The following CSMD1 variants were observed in gnomAD, a reference collection of about 807,000 sequenced individuals.
CSMD1 encodes the protein CUB and sushi domain-containing protein 1.
CSMD1 carries 213 observed loss-of-function variants against 417.5 expected under a neutral mutation model. That is an observed-to-expected ratio of 0.51 (90% CI 0.46 to 0.57). The LOEUF (loss-of-function observed/expected upper bound fraction) is 0.57. Ranked by LOEUF, CSMD1 falls within the 20% of genes least tolerant of loss-of-function variation. The pLI is 0.00. For missense variants in CSMD1, 6,923 were observed against 4,529.7 expected, an observed-to-expected ratio of 1.53 and a Z score of -15.17; for synonymous variants, 2,862 against 1,736.8, an observed-to-expected ratio of 1.65 and a Z score of -16.11.
intron 2 of CSMD1, among the ~76,000 whole-genome samples, chr8:4,471,840 G>C (rs933799331): frequency 6.6e-6 from 1 of 152,170 alleles, no homozygotes; most frequent in African/African-American, 2.4e-5. Flanking sequence ...TACGCTGCAA[G>C]GAAGGTGTTT....
At chr8:3,333,480 T>A (rs1248900093) in intron 23 of CSMD1, among the ~76,000 whole-genome samples, 2 of 152,224 alleles carry the variant, frequency 1.3e-5, no homozygotes, top group East Asian at 3.8e-4. Flanking sequence ...GGTTAACAGC[T>A]ATGTAAAAAC....
At chr8:2,987,479 C>T (rs150103519) in intron 54 of CSMD1, among the ~76,000 whole-genome samples, 2,370 of 149,880 alleles carry the variant, frequency 0.016, 21 homozygotes, top group Non-Finnish European at 0.025. Context: ...ATAAGAAATA[C>T]ATAAAATGCA....
chr8:4,358,742 G>A (rs1316555667), intron 3 of CSMD1, among the ~76,000 whole-genome samples: 1 of 151,910 alleles, frequency 6.6e-6, no homozygotes, highest in Non-Finnish European at 1.5e-5. Context: ...CAAGATAAGT[G>A]TATATGATTT....
rs569707484 is a variant in CSMD1, at chr8:3,164,147, G to T, written c.5726-1870C>A. On this transcript the variant is annotated intron_variant, in intron 37 of 69. Coordinates refer to ENST00000635120, the MANE Select transcript of CSMD1 (RefSeq NM_033225.6). ...AGAAGTGTCTTCATCTTACAGTACC[G>T]TGATTGTTCATTTGAGAATCCCATG... is the stretch of plus-strand genomic sequence containing the variant. 9.2e-5 allele frequency among the ~76,000 whole-genome samples: 14 copies of T among 152,250 alleles called. 1 individual carries two copies. In the Middle Eastern group the frequency reaches 0.01, roughly 111 times the overall value.
chr8:3,524,308 G>A (rs1003172969), intron 10 of CSMD1, among the ~76,000 whole-genome samples: 1 of 138,714 alleles, frequency 7.2e-6, no homozygotes, highest in African/African-American at 2.7e-5. Context: ...TACACTCAGA[G>A]ACATATGCAC....
At chr8:4,152,372 T>C (rs1485142725) in intron 3 of CSMD1, among the ~76,000 whole-genome samples, 4 of 152,152 alleles carry the variant, frequency 2.6e-5, no homozygotes, top group Non-Finnish European at 5.9e-5. Flanking sequence ...GCTTATGTAC[T>C]AATGTTTTTA....
chr8:3,195,394 G>T (rs1796650362), intron 33 of CSMD1, among the ~76,000 whole-genome samples: 1 of 152,122 alleles, frequency 6.6e-6, no homozygotes, highest in Admixed American at 6.5e-5. Flanking sequence ...TGAAAGACGT[G>T]AATTACAGGC....
chr8:3,482,381 T>C (rs188579666), intron 11 of CSMD1, among the ~76,000 whole-genome samples: 1 of 152,118 alleles, frequency 6.6e-6, no homozygotes, highest in Admixed American at 6.5e-5. Context: ...TATGTTAATA[T>C]CTGACAAAGT....
intron 46 of CSMD1, among the ~76,000 whole-genome samples, chr8:3,097,694 T>C (rs932025058): frequency 6.6e-6 from 1 of 152,204 alleles, no homozygotes; most frequent in East Asian, 1.9e-4. Flanking sequence ...GAATTTTTCA[T>C]TTAATATTTT....
chr8:4,571,267 A>C (rs1798880223), intron 2 of CSMD1, among the ~76,000 whole-genome samples: 1 of 152,058 alleles, frequency 6.6e-6, no homozygotes, highest in Non-Finnish European at 1.5e-5. Context: ...CTGCTTTCTC[A>C]TGTGAGAATT....
intron 37 of CSMD1, among the ~76,000 whole-genome samples, chr8:3,166,230 T>A (rs1183765239): frequency 6.6e-6 from 1 of 152,234 alleles, no homozygotes; most frequent in East Asian, 1.9e-4. Context: ...TGATAATTCT[T>A]ATCACATCAT....
Position 3,348,138 on chromosome 8 carries a change from C to G in CSMD1, c.3328G>C (p.Gly1110Arg). The G allele has an allele frequency of 6.2e-7, 1 of 1,612,030 alleles. No individual in the cohort carries two copies. Among genetic ancestry groups the G allele is most frequent in the Non-Finnish European group, 8.5e-7 (1 of 1,179,088 alleles). Residue 1110 changes from glycine (G) to arginine (R), a missense_variant, in exon 22 of 70, where the codon GGA becomes CGA. Gly to Arg is a moderately radical substitution (Grantham distance 125). Coordinates refer to ENST00000635120, the MANE Select transcript of CSMD1 (RefSeq NM_033225.6). The stretch of plus-strand genomic sequence containing the variant: ...GGAGACAGTAATGTTCCTTCATTTC[C>G]TTTGACACTTGCTCCACATTCGGCT... ...CVAECGASVK[G>R]NEGTLLSPNF...
Position 3,210,430 on chromosome 8 carries a change from T to C in CSMD1, c.4867+4067A>G, listed in dbSNP as rs545744193. On this transcript the variant is annotated intron_variant, in intron 30 of 69. Transcript: ENST00000635120. ...GTTTTATATATATGACCTATATATA[T>C]ATAGGAATATACATATATATGACCT... Among the ~76,000 whole-genome samples the C allele has an allele frequency of 2.7e-5, 4 of 150,212 alleles. No homozygotes were observed. The South Asian group carries it at 8.3e-4, about 31-fold the overall frequency.
At chr8:2,977,230 T>C (rs1805002837) in intron 55 of CSMD1, among the ~76,000 whole-genome samples, 1 of 152,182 alleles carries the variant, frequency 6.6e-6, no homozygotes, top group Non-Finnish European at 1.5e-5. Flanking sequence ...AAGCCCCATA[T>C]GCATTAGCTA....
intron 3 of CSMD1, among the ~76,000 whole-genome samples, chr8:4,365,428 A>C (rs538665625): frequency 1.3e-4 from 20 of 152,328 alleles, no homozygotes; most frequent in African/African-American, 4.8e-4. Context: ...CTCTGGGGAA[A>C]AATAAAAGAC....
intron 26 of CSMD1, among the ~76,000 whole-genome samples, chr8:3,269,364 G>T (rs1446236125): frequency 6.6e-6 from 1 of 152,330 alleles, no homozygotes; most frequent in South Asian, 2.1e-4. Context: ...CCCTTCATAG[G>T]CAGAGAAACT....
chr8:3,026,192 T>G (rs542708868), intron 51 of CSMD1, among the ~76,000 whole-genome samples: 36 of 152,072 alleles, frequency 2.4e-4, no homozygotes, highest in Admixed American at 6.5e-4. Flanking sequence ...GGAGAGGGCC[T>G]GGTGGGGTGG....
At chr8:3,739,206 C>T (rs1796674429) in intron 6 of CSMD1, among the ~76,000 whole-genome samples, 1 of 152,168 alleles carries the variant, frequency 6.6e-6, no homozygotes, top group African/African-American at 2.4e-5. Context: ...ATGCAATCCC[C>T]ACTCCTGTCC....
At chr8:4,803,830 C>T (rs76595192) in intron 1 of CSMD1, among the ~76,000 whole-genome samples, 10,132 of 152,180 alleles carry the variant, frequency 0.067, 552 homozygotes, top group East Asian at 0.23. Flanking sequence ...ATATCCTTGA[C>T]ACAGTAATTA....
Sources: allele counts gnomAD v4.1 joint callset (sites outside exome capture counted in the v4.1 genomes callset), GRCh38; gene constraint gnomAD v4.1.1; transcripts MANE v1.5; gene names NCBI Gene and HGNC (gene_info 2026-07-23, HGNC 2026-07-21).